PLXDC2: variants seen among roughly 807,000 people sequenced by gnomAD.
PLXDC2 encodes plexin domain-containing protein 2.
A neutral mutation model predicts 68.9 loss-of-function variants in PLXDC2; 40 were observed. The observed-to-expected ratio is 0.58, with a 90% confidence interval of 0.45 to 0.76. The LOEUF (loss-of-function observed/expected upper bound fraction) is 0.76, where lower values mean the gene tolerates loss of function less well. Among genes scored for constraint, PLXDC2 ranks in the 30% least tolerant of loss-of-function variants. The probability of loss-of-function intolerance (pLI) is 0.00; values close to 1 mark genes in which losing one functional copy is unlikely to be tolerated. For synonymous variants in PLXDC2, 243 were observed against 234.2 expected, an observed-to-expected ratio of 1.04 and a Z score of -0.34; for missense variants, 644 against 661.9, an observed-to-expected ratio of 0.97 and a Z score of 0.30.
chr10:20,033,558 A>G (rs966755924), intron 2 of PLXDC2, among the ~76,000 whole-genome samples: 9 of 152,188 alleles, frequency 5.9e-5, no homozygotes, highest in African/African-American at 2.2e-4. Flanking sequence ...ATCACGGCAC[A>G]ATCACGGCAG....
chr10:20,270,705 C>G (rs1835927073), intron 13 of PLXDC2, among the ~76,000 whole-genome samples: 1 of 152,038 alleles, frequency 6.6e-6, no homozygotes, highest in Non-Finnish European at 1.5e-5. Flanking sequence ...CCACCACACC[C>G]TGCTAATTTT....
chr10:20,143,456 T>C, intron 5 of PLXDC2, 39 bp downstream of exon 5: 2 of 1,608,002 alleles, frequency 1.2e-6, no homozygotes, highest in Non-Finnish European at 1.7e-6. Context: ...GCATGTATAT[T>C]TTTAAACCTC....
intron 1 of PLXDC2, among the ~76,000 whole-genome samples, chr10:19,864,429 C>G (rs534490792): frequency 7.9e-5 from 12 of 152,264 alleles, no homozygotes; most frequent in Middle Eastern, 3.4e-3. Context: ...CTTGGAAAGC[C>G]TATTTTGTCT....
intron 1 of PLXDC2, among the ~76,000 whole-genome samples, chr10:19,833,146 T>C (rs981689367): frequency 2.6e-5 from 4 of 152,236 alleles, no homozygotes; most frequent in Admixed American, 6.5e-5. Flanking sequence ...GAATTTTCTC[T>C]GAAAACTTTA....
intron 9 of PLXDC2, among the ~76,000 whole-genome samples, chr10:20,209,860 A>G (rs1050806547): frequency 6.6e-6 from 1 of 152,170 alleles, no homozygotes; most frequent in Non-Finnish European, 1.5e-5. Flanking sequence ...TGGGGAGGTG[A>G]TAAGTGTCCA....
chr10:20,039,522 A>C, intron 2 of PLXDC2, among the ~76,000 whole-genome samples: 1 of 152,182 alleles, frequency 6.6e-6, no homozygotes, highest in Middle Eastern at 3.2e-3. Flanking sequence ...TCTGATCTAT[A>C]GTATGTTAAA....
chr10:20,264,470 T>A (rs1025077538), intron 13 of PLXDC2, among the ~76,000 whole-genome samples: 6 of 152,062 alleles, frequency 3.9e-5, no homozygotes, highest in African/African-American at 1.4e-4. Flanking sequence ...CAAATAAAAA[T>A]TTTTTAAAAA....
At chr10:19,904,803 A>G (rs1389135381) in intron 1 of PLXDC2, among the ~76,000 whole-genome samples, 4 of 152,200 alleles carry the variant, frequency 2.6e-5, no homozygotes, top group African/African-American at 9.7e-5. Context: ...GTTTCTTAGC[A>G]TAAGCCAAGG....
At chr10:20,121,011 G>T (rs1833690088) in intron 4 of PLXDC2, among the ~76,000 whole-genome samples, 1 of 152,132 alleles carries the variant, frequency 6.6e-6, no homozygotes, top group East Asian at 1.9e-4. Context: ...TACAGTCATG[G>T]GTGTCAGTTG....
chr10:19,925,715 T>C (rs949308641), intron 1 of PLXDC2, among the ~76,000 whole-genome samples: 8 of 152,326 alleles, frequency 5.3e-5, no homozygotes, highest in East Asian at 1.9e-4. Flanking sequence ...CAGAGAGTAG[T>C]TGAAGTCACA....
Position 20,207,765 on chromosome 10 carries a change from T to C in PLXDC2, c.1062-3904T>C, listed in dbSNP as rs1240888592. Among the ~76,000 whole-genome samples, 3 of 152,172 alleles carry C rather than the reference T, an allele frequency of 2.0e-5. No homozygotes were observed. The East Asian group carries it at 5.8e-4, about 29-fold the overall frequency. ...CAACTGGGGATTCTCAAATTTAGGA[T>C]GCCAAATCCCACACTGATGTTTACT... On this transcript the variant is annotated intron_variant, in intron 9 of 13. Transcript: ENST00000377252.
intron 1 of PLXDC2, among the ~76,000 whole-genome samples, chr10:19,949,270 A>G (rs1035445536): frequency 1.3e-5 from 2 of 152,174 alleles, no homozygotes; most frequent in Non-Finnish European, 2.9e-5. Context: ...ACACATCAAA[A>G]TACTCATTCT....
At chr10:19,844,085 AAAATT>A (rs1461933762) in intron 1 of PLXDC2, among the ~76,000 whole-genome samples, 2 of 152,198 alleles carry the variant, frequency 1.3e-5, no homozygotes, top group Non-Finnish European at 2.9e-5. Flanking sequence ...AAAATGGAAA[AAAATT>A]AAAGAACAGA....
intron 2 of PLXDC2, among the ~76,000 whole-genome samples, chr10:20,023,216 T>C (rs1835343078): frequency 6.6e-6 from 1 of 151,792 alleles, no homozygotes; most frequent in Non-Finnish European, 1.5e-5. Context: ...TAAAACATGA[T>C]AGAATAAATG....
chr10:20,064,314 G>A (rs1589611605), intron 3 of PLXDC2, among the ~76,000 whole-genome samples: 1 of 150,714 alleles, frequency 6.6e-6, no homozygotes, highest in South Asian at 2.1e-4. Flanking sequence ...TCCACCTCCC[G>A]GGTTCATGCC....
chr10:19,933,689 C>T (rs1339752778), intron 1 of PLXDC2, among the ~76,000 whole-genome samples: 1 of 151,786 alleles, frequency 6.6e-6, no homozygotes, highest in Non-Finnish European at 1.5e-5. Context: ...CGCGTGCACA[C>T]ACACACACAC....
At chr10:19,970,392 A>G (rs1231848760) in intron 1 of PLXDC2, among the ~76,000 whole-genome samples, 3 of 152,208 alleles carry the variant, frequency 2.0e-5, no homozygotes, top group Non-Finnish European at 2.9e-5. Context: ...GACATTTCCA[A>G]GACAGTTCAT....
chr10:20,125,553 A>G lies in PLXDC2; in HGVS notation c.542-17742A>G, dbSNP rs140838767. Among the ~76,000 whole-genome samples, 7 of 152,300 alleles carry G rather than the reference A, an allele frequency of 4.6e-5. No individual in the cohort carries two copies. In the East Asian group the frequency reaches 9.7e-4, roughly 21 times the overall value. On this transcript the variant is annotated intron_variant, in intron 4 of 13. Coordinates refer to ENST00000377252, the MANE Select transcript of PLXDC2 (RefSeq NM_032812.9). ...AGATTGCAAAAGGGCACATGTCTCAATAAAGGTGGAAATATCACAGAGGTT... is the reference window on the plus strand; with the variant it reads ...AGATTGCAAAAGGGCACATGTCTCAGTAAAGGTGGAAATATCACAGAGGTT...
intron 3 of PLXDC2, among the ~76,000 whole-genome samples, chr10:20,049,378 A>G (rs1186462299): frequency 6.6e-6 from 1 of 152,092 alleles, no homozygotes; most frequent in Non-Finnish European, 1.5e-5. Flanking sequence ...AGCAAGACAA[A>G]GAAATAAAGA....
Sources: allele counts gnomAD v4.1 joint callset (sites outside exome capture counted in the v4.1 genomes callset), GRCh38; gene constraint gnomAD v4.1.1; transcripts MANE v1.5; gene names NCBI Gene and HGNC (gene_info 2026-07-23, HGNC 2026-07-21).